Variants in LIMA1 observed in about 807,000 individuals in gnomAD.
LIMA1 encodes the protein LIM domain and actin binding 1, also known as LIM domain and actin-binding protein 1.
LIMA1 carries 52 observed loss-of-function variants against 62.6 expected under a neutral mutation model. The observed-to-expected ratio is 0.83, with a 90% CI of 0.67 to 1.05. LIMA1 has a LOEUF of 1.05. Ranked by LOEUF, LIMA1 falls within the 50% of genes least tolerant of loss-of-function variation. The probability of loss-of-function intolerance (pLI) is 0.00; values close to 1 mark genes in which losing one functional copy is unlikely to be tolerated. For synonymous variants in LIMA1, 302 were observed against 317.8 expected (o/e 0.95, Z 0.53); for missense variants, 780 against 902.2 (o/e 0.86, Z 1.74).
At chr12:50,212,842 T>A (rs1161833012) in intron 4 of LIMA1, among the ~76,000 whole-genome samples, 1 of 152,140 alleles carries the variant, frequency 6.6e-6, no homozygotes, top group East Asian at 1.9e-4. Flanking sequence ...TGAGACAAAG[T>A]CTTGCTCTGT....
At chr12:50,197,034 C>T (rs1411260711) in intron 7 of LIMA1, among the ~76,000 whole-genome samples, 1 of 150,484 alleles carries the variant, frequency 6.6e-6, no homozygotes, top group Non-Finnish European at 1.5e-5. Context: ...CTTCTCTCAC[C>T]TTTAATTTGG....
chr12:50,245,900 C>T (rs543398509), intron 2 of LIMA1, among the ~76,000 whole-genome samples: 4 of 152,088 alleles, frequency 2.6e-5, no homozygotes, highest in Admixed American at 2.0e-4. Context: ...GAGTAGCAAC[C>T]CTGGCCCCCA....
At chr12:50,275,620 A>G (rs1942267112) in intron 1 of LIMA1, among the ~76,000 whole-genome samples, 1 of 152,164 alleles carries the variant, frequency 6.6e-6, no homozygotes, top group Non-Finnish European at 1.5e-5. Context: ...AAAATTTAAA[A>G]AGGTAGCATT....
chr12:50,200,657 G>C (rs899967153), intron 7 of LIMA1, 120 bp downstream of exon 7: 94 of 1,092,194 alleles, frequency 8.6e-5, no homozygotes, highest in Non-Finnish European at 1.2e-4. Flanking sequence ...ATCTGTCCTG[G>C]CAGCTGTTAC....
Position 50,210,232 on chromosome 12 carries a change from C to T in LIMA1, c.631-4164G>A, listed in dbSNP as rs375279657. The stretch of plus-strand genomic sequence containing the variant: ...GAGGTCAGGAGTTTGAGACCAGCCT[C>T]GCCCACATGGCGAAACCCCATCTCT... On this transcript the variant is annotated intron_variant, in intron 4 of 10. Transcript: ENST00000341247. Among the ~76,000 whole-genome samples, 67 of 151,770 alleles carry T rather than the reference C, an allele frequency of 4.4e-4. No homozygotes were observed. The South Asian group carries it at 5.2e-3, about 12-fold the overall frequency.
chr12:50,227,136 A>G (rs1011815548), intron 3 of LIMA1, among the ~76,000 whole-genome samples: 3 of 151,992 alleles, frequency 2.0e-5, no homozygotes, highest in South Asian at 2.1e-4. Flanking sequence ...TTATCTCTAG[A>G]TAGACATCTC....
chr12:50,188,102 C>T (rs1940671400), intron 9 of LIMA1: 1 of 152,142 alleles, frequency 6.6e-6, no homozygotes, highest in Non-Finnish European at 1.5e-5. Flanking sequence ...TCCTTAAAGA[C>T]CTCTATCATT....
chr12:50,241,690 A>G (rs1370421421), intron 2 of LIMA1, among the ~76,000 whole-genome samples: 1 of 152,166 alleles, frequency 6.6e-6, no homozygotes, highest in Non-Finnish European at 1.5e-5. Context: ...CTTCCAAGTT[A>G]GATCCCTGGT....
Position 50,176,830 on chromosome 12 carries a change from A to G in LIMA1, c.*234T>C, listed in dbSNP as rs1592484707. ...GTTACAAGCCTTACAGCACTTATGC[A>G]TATCATCACTGCTAAAATGAAGAAT... On this transcript the variant is annotated 3_prime_UTR_variant, in exon 11 of 11. Transcript: ENST00000341247. 2.3e-6 allele frequency: 1 copy of G among 436,790 alleles called. No homozygotes were observed. Among genetic ancestry groups the G allele is most frequent in the Middle Eastern group, 5.8e-4 (1 of 1,712 alleles). 27.1% of individuals were successfully genotyped at this position (436,790 alleles called of 1,614,324 possible). A position where few individuals can be genotyped will look rare whatever the true frequency, so the allele number is the denominator to read the frequency against.
intron 4 of LIMA1, among the ~76,000 whole-genome samples, chr12:50,211,231 G>C (rs1941250250): frequency 6.6e-6 from 1 of 150,916 alleles, no homozygotes. Flanking sequence ...GCTGAGGCAG[G>C]AGAATCACTT....
intron 3 of LIMA1, among the ~76,000 whole-genome samples, chr12:50,223,488 CAAAA>C (rs5798135): frequency 7.6e-6 from 1 of 131,958 alleles, no homozygotes. Context: ...ATCCCCCAAC[CAAAA>C]AAAAAAAAAA....
chr12:50,208,870 C>T (rs990320716), intron 4 of LIMA1, among the ~76,000 whole-genome samples: 4 of 151,796 alleles, frequency 2.6e-5, no homozygotes, highest in Admixed American at 6.6e-5. Flanking sequence ...GAGCCGTGAC[C>T]GCACTACTGC....
intron 2 of LIMA1, among the ~76,000 whole-genome samples, chr12:50,243,119 C>T (rs1039761678): frequency 6.6e-6 from 1 of 152,140 alleles, no homozygotes; most frequent in South Asian, 2.1e-4. Context: ...GTTATAGAGG[C>T]TTAGTCAGAG....
intron 7 of LIMA1, among the ~76,000 whole-genome samples, chr12:50,199,356 T>A (rs1194381809): frequency 6.6e-6 from 1 of 152,026 alleles, no homozygotes; most frequent in Non-Finnish European, 1.5e-5. Context: ...TCCCTGTAAT[T>A]CCTCAGCCAT....
chr12:50,243,469 G>A (rs1278959647), intron 2 of LIMA1, among the ~76,000 whole-genome samples: 2 of 152,128 alleles, frequency 1.3e-5, no homozygotes, highest in African/African-American at 4.8e-5. Context: ...CCCTCAACGC[G>A]CCTGATCTCA....
At chr12:50,217,651 G>T in intron 4 of LIMA1, 1 of 208,910 alleles carries the variant, frequency 4.8e-6, no homozygotes, top group East Asian at 1.2e-4. Context: ...CGGTCCTTGC[G>T]GGCTTCATGA....
At chr12:50,264,400 A>G (rs565174623) in intron 1 of LIMA1, among the ~76,000 whole-genome samples, 1 of 152,348 alleles carries the variant, frequency 6.6e-6, no homozygotes, top group African/African-American at 2.4e-5. Context: ...TTTTTAAACA[A>G]TGGCTTGAAA....
chr12:50,222,997 G>A (rs1163513484), intron 3 of LIMA1, among the ~76,000 whole-genome samples: 1 of 151,770 alleles, frequency 6.6e-6, no homozygotes, highest in African/African-American at 2.4e-5. Flanking sequence ...CATTAATTAC[G>A]GATAGTGGCA....
chr12:50,251,548 G>T (rs975147002), intron 1 of LIMA1, among the ~76,000 whole-genome samples: 7 of 151,000 alleles, frequency 4.6e-5, no homozygotes, highest in Admixed American at 6.6e-5. Context: ...TTGAACCCTG[G>T]AGGCAGAGGA....
Sources: gnomAD v4.1 joint callset for allele counts (sites outside exome capture counted in the v4.1 genomes callset) on GRCh38, gnomAD v4.1.1 for gene constraint, MANE v1.5 for transcripts, NCBI Gene and HGNC (gene_info 2026-07-23, HGNC 2026-07-21) for gene names.